Variants in PARD3B observed in about 807,000 individuals in gnomAD.
PARD3B encodes partitioning defective 3 homolog B.
PARD3B carries 103 observed loss-of-function variants against 130.2 expected under a neutral mutation model. The ratio of observed to expected loss-of-function variants is 0.79; its 90% CI spans 0.67 to 0.93. PARD3B has a LOEUF of 0.93. Among genes scored for constraint, PARD3B ranks in the 40% least tolerant of loss-of-function variants. The pLI, the probability that PARD3B is intolerant of heterozygous loss-of-function variation, is 0.00. For synonymous variants in PARD3B, 583 were observed against 553.2 expected (o/e 1.05, Z -0.76); for missense variants, 1,609 against 1,499.2 (o/e 1.07, Z -1.21).
chr2:204,762,050 A>T (rs191563382), intron 2 of PARD3B, among the ~76,000 whole-genome samples: 62 of 151,460 alleles, frequency 4.1e-4, no homozygotes, highest in African/African-American at 1.2e-3. Context: ...TTTTCTTTTT[A>T]AAAAAAATCA....
chr2:205,145,321 G>A (rs1360116383), intron 10 of PARD3B, among the ~76,000 whole-genome samples: 5 of 131,984 alleles, frequency 3.8e-5, no homozygotes, highest in South Asian at 2.5e-4. Context: ...ACCCTCCGCC[G>A]CCCCCGCAAA....
intron 20 of PARD3B, among the ~76,000 whole-genome samples, chr2:205,467,671 G>C (rs1265956112): frequency 6.6e-6 from 1 of 152,122 alleles, no homozygotes; most frequent in Non-Finnish European, 1.5e-5. Context: ...TCAGTAATCA[G>C]AAGTGGCTAT....
chr2:205,233,539 T>A (rs2038934278), intron 15 of PARD3B, among the ~76,000 whole-genome samples: 1 of 152,090 alleles, frequency 6.6e-6, no homozygotes, highest in Non-Finnish European at 1.5e-5. Context: ...TTTTAAGACA[T>A]ATAAAAATAT....
chr2:205,000,478 C>T (rs1216154959), intron 3 of PARD3B, among the ~76,000 whole-genome samples: 1 of 152,186 alleles, frequency 6.6e-6, no homozygotes, highest in African/African-American at 2.4e-5. Context: ...CCATGTATGC[C>T]TGAATATATG....
At chr2:204,935,373 C>CAA (rs3067765) in intron 2 of PARD3B, among the ~76,000 whole-genome samples, 24,472 of 128,674 alleles carry the variant, frequency 0.19, 2,616 homozygotes, top group Middle Eastern at 0.26. Context: ...ACTAAAAATA[C>CAA]AAAAAAAAAA....
chr2:204,662,894 C>G (rs1189438972), intron 1 of PARD3B, among the ~76,000 whole-genome samples: 1 of 152,036 alleles, frequency 6.6e-6, no homozygotes, highest in Non-Finnish European at 1.5e-5. Context: ...CTTGAGACCC[C>G]CAAGAGTCTG....
chr2:204,705,504 A>T (rs927049595), intron 2 of PARD3B, among the ~76,000 whole-genome samples: 1 of 149,954 alleles, frequency 6.7e-6, no homozygotes, highest in Non-Finnish European at 1.5e-5. Context: ...TCATGTAAGA[A>T]TTTAAGCATA....
chr2:205,211,977 G>T (rs994814891), intron 15 of PARD3B, among the ~76,000 whole-genome samples: 1 of 152,044 alleles, frequency 6.6e-6, no homozygotes, highest in Non-Finnish European at 1.5e-5. Flanking sequence ...AATTATCATA[G>T]CACCCAAATT....
rs1389830519 is a variant in PARD3B at position 205,128,140 on chromosome 2, A to T, written c.1434+2403A>T. Reference sequence around the variant, plus strand: ...GCAAAGAAATAAGTTTTGACTGTGTATTCCATTGAACTGTGGTCCTGGAAG... The same window carrying T: ...GCAAAGAAATAAGTTTTGACTGTGTTTTCCATTGAACTGTGGTCCTGGAAG... On this transcript the variant is annotated intron_variant, in intron 10 of 22. Transcript: ENST00000406610. The surrounding 1 kb of genome is among the most constrained non-coding windows in gnomAD (Gnocchi z 4.5). Among the ~76,000 whole-genome samples the T allele has an allele frequency of 1.3e-5, 2 of 152,246 alleles. No individual in the cohort carries two copies. The highest frequency in any genetic ancestry group is 2.9e-5 in the Non-Finnish European group (2 of 68,048).
chr2:204,914,348 A>C (rs1182498099), intron 2 of PARD3B, among the ~76,000 whole-genome samples: 1 of 152,188 alleles, frequency 6.6e-6, no homozygotes, highest in Non-Finnish European at 1.5e-5. Context: ...CTAAAGAGAA[A>C]GTCCTACAAC....
chr2:205,333,947 T>C (rs1027220248), intron 18 of PARD3B, among the ~76,000 whole-genome samples: 2 of 152,204 alleles, frequency 1.3e-5, no homozygotes, highest in African/African-American at 4.8e-5. Context: ...CTTTTAAGTA[T>C]TCCTAATTGA....
intron 3 of PARD3B, among the ~76,000 whole-genome samples, chr2:204,979,226 G>T (rs1242035709): frequency 6.6e-6 from 1 of 151,818 alleles, no homozygotes; most frequent in Non-Finnish European, 1.5e-5. Context: ...AAAATCACTG[G>T]AAATGGGAGG....
intron 10 of PARD3B, among the ~76,000 whole-genome samples, chr2:205,139,758 A>G (rs2032794809): frequency 6.6e-6 from 1 of 152,126 alleles, no homozygotes; most frequent in African/African-American, 2.4e-5. Flanking sequence ...TATGATTTTC[A>G]TGGTGGTTAA....
chr2:204,750,940 T>A (rs1390209755), intron 2 of PARD3B, among the ~76,000 whole-genome samples: 1 of 152,184 alleles, frequency 6.6e-6, no homozygotes, highest in Non-Finnish European at 1.5e-5. Context: ...TCACCATAGA[T>A]GAACACTCAG....
Position 205,169,493 on chromosome 2 carries a change from T to C in PARD3B, c.1621-2718T>C, listed in dbSNP as rs147906745. Among the ~76,000 whole-genome samples the C allele has an allele frequency of 4.0e-3, 603 of 152,344 alleles. 2 individuals are homozygous for C. The highest frequency in any genetic ancestry group is 0.013 in the African/African-American group (560 of 41,578). Reference sequence around the variant, plus strand: ...AAAGTTCTCCTATCTTCTTGTCTGTTATCTACCTCTTCACTCTGACGTTGT... The same window carrying C: ...AAAGTTCTCCTATCTTCTTGTCTGTCATCTACCTCTTCACTCTGACGTTGT... On this transcript the variant is annotated intron_variant, in intron 11 of 22. Coordinates refer to ENST00000406610, the MANE Select transcript of PARD3B (RefSeq NM_001302769.2).
At chr2:204,771,463 T>A (rs1291432975) in intron 2 of PARD3B, among the ~76,000 whole-genome samples, 2 of 152,060 alleles carry the variant, frequency 1.3e-5, no homozygotes, top group African/African-American at 4.8e-5. Context: ...TAGCACCATT[T>A]AAAATTGCTG....
chr2:204,554,984 C>G (rs1466631871), intron 1 of PARD3B, among the ~76,000 whole-genome samples: 2 of 152,200 alleles, frequency 1.3e-5, no homozygotes, highest in Non-Finnish European at 2.9e-5. Context: ...TTATGCTGAA[C>G]ACCTGCTCTT....
chr2:205,211,049 C>G (rs970746698), intron 15 of PARD3B, among the ~76,000 whole-genome samples: 3 of 152,044 alleles, frequency 2.0e-5, no homozygotes, highest in African/African-American at 7.2e-5. Context: ...AAATGTTTAA[C>G]TAAACATGAG....
chr2:205,289,748 A>T (rs1329936555), intron 16 of PARD3B, among the ~76,000 whole-genome samples: 1 of 152,172 alleles, frequency 6.6e-6, no homozygotes, highest in African/African-American at 2.4e-5. Context: ...TGATGGATTA[A>T]TGGGTTATTG....
Sources: allele counts gnomAD v4.1 joint callset (sites outside exome capture counted in the v4.1 genomes callset), GRCh38; gene constraint gnomAD v4.1.1; non-coding constraint Gnocchi (gnomAD v3.1); transcripts MANE v1.5; gene names NCBI Gene and HGNC (gene_info 2026-07-23, HGNC 2026-07-21).